LRFN2: variants seen among roughly 807,000 people sequenced by gnomAD.
LRFN2 encodes leucine-rich repeat and fibronectin type-III domain-containing protein 2.
Under a neutral mutation model 37.3 loss-of-function variants are expected in LRFN2, and 18 were observed. The ratio of observed to expected loss-of-function variants is 0.48; its 90% confidence interval spans 0.33 to 0.72. LRFN2 has a LOEUF of 0.72. Among genes scored for constraint, LRFN2 ranks in the 30% least tolerant of loss-of-function variants. LRFN2 has a pLI of 0.02. For missense variants in LRFN2, 1,006 were observed against 1,060.7 expected, an observed-to-expected ratio of 0.95 and a Z score of 0.72; for synonymous variants, 556 against 466.6, an observed-to-expected ratio of 1.19 and a Z score of -2.47.
chr6:40,510,175 T>C (rs1765664262), intron 1 of LRFN2, among the ~76,000 whole-genome samples: 1 of 151,374 alleles, frequency 6.6e-6, no homozygotes, highest in Non-Finnish European at 1.5e-5. Flanking sequence ...GGTGGGTGCA[T>C]GCATGTGGGT....
At chr6:40,438,144 G>A (rs967444607) in intron 1 of LRFN2, among the ~76,000 whole-genome samples, 2 of 152,204 alleles carry the variant, frequency 1.3e-5, no homozygotes, top group Non-Finnish European at 2.9e-5. Context: ...CTGCACTGGG[G>A]TAAGGCAGGG....
In LRFN2 at chr6:40,501,467, C is replaced by T. The variant is rs527750676; in HGVS notation, c.-18-68336G>A. On this transcript the variant is annotated intron_variant, in intron 1 of 2. Transcript: ENST00000338305. ...TCAAGTACCTGGGACTACAGGTGCC[C>T]ATCACCGTGCCTGGCTAATTTTTTT... Among the ~76,000 whole-genome samples the T allele has an allele frequency of 2.6e-5, 4 of 151,764 alleles. No homozygotes were observed. In the South Asian group the frequency reaches 8.4e-4, roughly 32 times the overall value.
chr6:40,565,053 T>A (rs911004074), intron 1 of LRFN2, among the ~76,000 whole-genome samples: 1 of 151,828 alleles, frequency 6.6e-6, no homozygotes, highest in Non-Finnish European at 1.5e-5. Flanking sequence ...TGATCTGGAG[T>A]TTCTAGACTT....
At chr6:40,538,978 G>C (rs1387182807) in intron 1 of LRFN2, among the ~76,000 whole-genome samples, 1 of 152,096 alleles carries the variant, frequency 6.6e-6, no homozygotes, top group Non-Finnish European at 1.5e-5. Flanking sequence ...ACCCTGTTCT[G>C]GTCTTTTCAC....
chr6:40,435,325 T>C (rs1763640386), intron 1 of LRFN2, among the ~76,000 whole-genome samples: 1 of 151,162 alleles, frequency 6.6e-6, no homozygotes, highest in East Asian at 2.0e-4. Context: ...TGGCTAATTA[T>C]TTTTATTTTT....
Position 40,513,529 on chromosome 6 carries a change from C to T in LRFN2, c.-19+73412G>A, listed in dbSNP as rs545382550. On this transcript the variant is annotated intron_variant, in intron 1 of 2. Transcript: ENST00000338305. ...GATTAGAGGCATGAGCCACTATGCT[C>T]AGCCTCATTTAACAATTTTTTGAAC... Among the ~76,000 whole-genome samples, 8 of 152,328 alleles carry T rather than the reference C, an allele frequency of 5.3e-5. No individual in the cohort carries two copies. In the South Asian group the frequency reaches 1.7e-3, roughly 32 times the overall value.
At chr6:40,501,604 C>A (rs1355162418) in intron 1 of LRFN2, 6 of 152,054 alleles carry the variant, frequency 3.9e-5, no homozygotes, top group Non-Finnish European at 5.9e-5. Context: ...CTGGGATTTA[C>A]AGCCACCACA....
intron 1 of LRFN2, among the ~76,000 whole-genome samples, chr6:40,459,416 T>C (rs777709953): frequency 5.6e-4 from 85 of 152,236 alleles, no homozygotes; most frequent in Non-Finnish European, 8.7e-4. Context: ...AGAGGTTGTG[T>C]GTGACACATA....
At chr6:40,565,291 T>C (rs1292059341) in intron 1 of LRFN2, among the ~76,000 whole-genome samples, 1 of 151,998 alleles carries the variant, frequency 6.6e-6, no homozygotes, top group Non-Finnish European at 1.5e-5. Context: ...ATCAATATCG[T>C]GAAAATGGCC....
intron 1 of LRFN2, among the ~76,000 whole-genome samples, chr6:40,576,014 T>G (rs115678336): frequency 3.9e-5 from 6 of 152,186 alleles, no homozygotes; most frequent in African/African-American, 1.4e-4. Context: ...GTGGCCATTA[T>G]TATTATGTTA....
intron 1 of LRFN2, among the ~76,000 whole-genome samples, chr6:40,510,980 A>C (rs1380215973): frequency 6.6e-6 from 1 of 152,186 alleles, no homozygotes; most frequent in Non-Finnish European, 1.5e-5. Context: ...TTTTGCAAGA[A>C]GAAAGGATAG....
intron 1 of LRFN2, among the ~76,000 whole-genome samples, chr6:40,509,466 G>A (rs1303646216): frequency 1.3e-5 from 2 of 152,266 alleles, no homozygotes; most frequent in Non-Finnish European, 2.9e-5. Context: ...AAAGAGTAGA[G>A]AGCAGAATGA....
chr6:40,454,673 C>T (rs531890610), intron 1 of LRFN2, among the ~76,000 whole-genome samples: 2 of 152,356 alleles, frequency 1.3e-5, no homozygotes, highest in East Asian at 1.9e-4. Context: ...GGACTCTACA[C>T]TATCCACTCT....
chr6:40,468,216 C>A (rs1764516375), intron 1 of LRFN2, among the ~76,000 whole-genome samples: 1 of 152,064 alleles, frequency 6.6e-6, no homozygotes, highest in African/African-American at 2.4e-5. Context: ...AATTGGTGAA[C>A]AAGTCCTTGG....
At chr6:40,503,406 A>T (rs1208402679) in intron 1 of LRFN2, among the ~76,000 whole-genome samples, 1 of 152,152 alleles carries the variant, frequency 6.6e-6, no homozygotes, top group Non-Finnish European at 1.5e-5. Context: ...GCCCACAGTG[A>T]CACTTAGCTG....
chr6:40,586,259 G>T (rs1342524946), intron 1 of LRFN2, among the ~76,000 whole-genome samples: 3 of 152,078 alleles, frequency 2.0e-5, no homozygotes, highest in Non-Finnish European at 4.4e-5. Flanking sequence ...GGCAGGGCTG[G>T]GTGGGAGACA....
chr6:40,578,123 C>T (rs984601663), intron 1 of LRFN2, among the ~76,000 whole-genome samples: 3 of 152,208 alleles, frequency 2.0e-5, no homozygotes, highest in African/African-American at 7.2e-5. Context: ...TTTCAAAAGG[C>T]TTCAATACTC....
intron 2 of LRFN2, among the ~76,000 whole-genome samples, chr6:40,424,670 C>A (rs1258091285): frequency 6.6e-6 from 1 of 152,166 alleles, no homozygotes; most frequent in Non-Finnish European, 1.5e-5. Flanking sequence ...CCTGTCCACC[C>A]CTATTTCCTC....
chr6:40,447,937 C>A (rs573589062), intron 1 of LRFN2, among the ~76,000 whole-genome samples: 1 of 152,270 alleles, frequency 6.6e-6, no homozygotes, highest in African/African-American at 2.4e-5. Flanking sequence ...AGGCTCTATC[C>A]AAACAGTAAT....
Sources: allele counts gnomAD v4.1 joint callset (sites outside exome capture counted in the v4.1 genomes callset), GRCh38; gene constraint gnomAD v4.1.1; transcripts MANE v1.5; gene names NCBI Gene and HGNC (gene_info 2026-07-23, HGNC 2026-07-21).